Variants in NAALADL2 observed in about 807,000 individuals in gnomAD.
NAALADL2 encodes N-acetylated alpha-linked acidic dipeptidase like 2.
NAALADL2 carries 76 observed loss-of-function variants against 87.2 expected under a neutral mutation model. The observed-to-expected ratio is 0.87, with a 90% CI of 0.72 to 1.05. NAALADL2 has a LOEUF of 1.05. NAALADL2 is among the 50% of genes least tolerant of loss of function. The pLI is 0.00. For synonymous variants in NAALADL2, 354 were observed against 331.0 expected, an observed-to-expected ratio of 1.07 and a Z score of -0.75; for missense variants, 1,089 against 945.8, an observed-to-expected ratio of 1.15 and a Z score of -1.99.
intron 3 of NAALADL2, among the ~76,000 whole-genome samples, chr3:174,763,172 T>C (rs918040460): frequency 6.6e-6 from 1 of 152,114 alleles, no homozygotes; most frequent in Non-Finnish European, 1.5e-5. Context: ...AACCTGTAAA[T>C]TTGACTATAT....
At chr3:174,857,252 C>T (rs1311371178), upstream of NAALADL2, among the ~76,000 whole-genome samples, 1 of 151,970 alleles carries the variant, frequency 6.6e-6, no homozygotes, top group Non-Finnish European at 1.5e-5. Context: ...GCACAAAGAC[C>T]CAGAAGGAGA....
intron 2 of NAALADL2, among the ~76,000 whole-genome samples, chr3:174,695,218 T>C (rs2108864365): frequency 6.6e-6 from 1 of 152,024 alleles, no homozygotes; most frequent in East Asian, 1.9e-4. Flanking sequence ...AGACAGTCCT[T>C]AGTTATCATG....
chr3:175,275,237 C>T (rs1753405235), intron 4 of NAALADL2, among the ~76,000 whole-genome samples: 1 of 152,032 alleles, frequency 6.6e-6, no homozygotes, highest in Admixed American at 6.6e-5. Flanking sequence ...TAAAGACATA[C>T]AAAAAGTAAA....
At chr3:175,720,321 A>C (rs1583009662) in intron 11 of NAALADL2, among the ~76,000 whole-genome samples, 2 of 152,234 alleles carry the variant, frequency 1.3e-5, no homozygotes, top group East Asian at 3.9e-4. Context: ...TCTTTAAAAG[A>C]ATTACTCTAG....
At chr3:175,348,904 C>A (rs16825514) in intron 5 of NAALADL2, among the ~76,000 whole-genome samples, 5,897 of 152,040 alleles carry the variant, frequency 0.039, 335 homozygotes, top group African/African-American at 0.12. Context: ...ACAGAATAAC[C>A]GTTTATAAAG....
At chr3:175,209,346 G>A (rs573379268) in intron 2 of NAALADL2, among the ~76,000 whole-genome samples, 2 of 152,142 alleles carry the variant, frequency 1.3e-5, no homozygotes, top group South Asian at 4.1e-4. Context: ...TCCAATTACT[G>A]CCAAACTAGT....
At chr3:174,686,311 C>G (rs1728036681) in intron 2 of NAALADL2, among the ~76,000 whole-genome samples, 1 of 152,096 alleles carries the variant, frequency 6.6e-6, no homozygotes, top group South Asian at 2.1e-4. Flanking sequence ...TCCTTTTTCT[C>G]CACAACCTTG....
At position 175,774,186 on chromosome 3, in the gene NAALADL2, G is replaced by C. The variant is rs568294756; in HGVS notation, c.2189+18768G>C. ...TTTACTCTGATTTACATGATGAAAG[G>C]CCTCAGCAGTGGGAGGACATCTTCA... On this transcript the variant is annotated intron_variant, in intron 13 of 13. Coordinates refer to ENST00000454872, the MANE Select transcript of NAALADL2 (RefSeq NM_207015.3). Among the ~76,000 whole-genome samples the C allele has an allele frequency of 2.6e-5, 4 of 152,088 alleles. No individual in the cohort carries two copies. The East Asian group carries it at 5.8e-4, about 22-fold the overall frequency.
chr3:175,093,388 CTT>C (rs1433683689), intron 1 of NAALADL2, among the ~76,000 whole-genome samples: 3 of 127,742 alleles, frequency 2.3e-5, no homozygotes, highest in African/African-American at 9.0e-5. Flanking sequence ...TTGATAGTTT[CTT>C]TTTTTGTTGA....
intron 1 of NAALADL2, among the ~76,000 whole-genome samples, chr3:174,939,072 A>C (rs1478599222): frequency 6.6e-6 from 1 of 152,078 alleles, no homozygotes. Context: ...CTTGTCATGA[A>C]ATCTATGTCC....
At chr3:175,643,046 T>C (rs994606190) in intron 11 of NAALADL2, among the ~76,000 whole-genome samples, 1 of 152,122 alleles carries the variant, frequency 6.6e-6, no homozygotes, top group African/African-American at 2.4e-5. Context: ...GTCACAATAT[T>C]CGTTTAGGAG....
intron 2 of NAALADL2, among the ~76,000 whole-genome samples, chr3:175,107,236 A>G (rs1723317345): frequency 6.6e-6 from 1 of 152,012 alleles, no homozygotes; most frequent in African/African-American, 2.4e-5. Context: ...TGAGATATAA[A>G]TTAGTAGGCT....
At chr3:174,912,307 A>C (rs1012806723) in intron 1 of NAALADL2, among the ~76,000 whole-genome samples, 1 of 151,578 alleles carries the variant, frequency 6.6e-6, no homozygotes, top group Non-Finnish European at 1.5e-5. Context: ...CCATGTTTTA[A>C]ATTTTTTTTT....
At chr3:174,483,183 C>T (rs1218564829) in intron 1 of NAALADL2, among the ~76,000 whole-genome samples, 2 of 151,888 alleles carry the variant, frequency 1.3e-5, no homozygotes, top group Non-Finnish European at 2.9e-5. Flanking sequence ...GTGTATTAGT[C>T]CATTTTAACA....
chr3:175,019,134 C>A (rs555265369), intron 1 of NAALADL2, among the ~76,000 whole-genome samples: 20 of 152,058 alleles, frequency 1.3e-4, no homozygotes, highest in Non-Finnish European at 2.1e-4. Context: ...TTCATACTTT[C>A]AAAATAATTT....
intron 3 of NAALADL2, among the ~76,000 whole-genome samples, chr3:175,237,088 A>G (rs1195305629): frequency 6.6e-6 from 1 of 152,148 alleles, no homozygotes; most frequent in Non-Finnish European, 1.5e-5. Context: ...AGTTTAAAAT[A>G]TATGTAATAT....
At chr3:174,510,388 GAGA>G (rs1417180827) in intron 1 of NAALADL2, among the ~76,000 whole-genome samples, 1 of 151,910 alleles carries the variant, frequency 6.6e-6, no homozygotes, top group Non-Finnish European at 1.5e-5. Flanking sequence ...ATTTTGTTTT[GAGA>G]AGGTTTTTAA....
chr3:175,302,495 T>C (rs1426922627), intron 4 of NAALADL2, among the ~76,000 whole-genome samples: 1 of 152,192 alleles, frequency 6.6e-6, no homozygotes, highest in East Asian at 1.9e-4. Context: ...ATATATGCTT[T>C]CTTCGAGGAA....
chr3:175,364,111 A>T (rs1385703870), intron 5 of NAALADL2, among the ~76,000 whole-genome samples: 1 of 147,824 alleles, frequency 6.8e-6, no homozygotes, highest in Non-Finnish European at 1.5e-5. Context: ...AATTAGATTT[A>T]CTGATTCAAA....
Sources: allele counts gnomAD v4.1 joint callset (sites outside exome capture counted in the v4.1 genomes callset), GRCh38; gene constraint gnomAD v4.1.1; transcripts MANE v1.5; gene names NCBI Gene and HGNC (gene_info 2026-07-23, HGNC 2026-07-21).